The following COL21A1 variants were observed in gnomAD, a reference collection of about 807,000 sequenced individuals.
COL21A1 encodes collagen alpha-1(XXI) chain.
A neutral mutation model predicts 137.9 loss-of-function variants in COL21A1; 149 were observed. The observed-to-expected ratio is 1.08, with a 90% CI of 0.95 to 1.24. The LOEUF (loss-of-function observed/expected upper bound fraction) is 1.24. COL21A1 is among the 50% of genes most tolerant of loss of function. The pLI is 0.00. For synonymous variants in COL21A1, 456 were observed against 391.5 expected (o/e 1.16, Z -1.95); for missense variants, 1,167 against 1,158.4 (o/e 1.01, Z -0.11).
intron 1 of COL21A1, among the ~76,000 whole-genome samples, chr6:56,207,351 G>T (rs1779861571): frequency 1.3e-5 from 2 of 152,078 alleles, no homozygotes; most frequent in Non-Finnish European, 2.9e-5. Context: ...TGATATAGGG[G>T]ATATCACCAC....
rs547133492 is a variant in COL21A1, at chr6:56,077,400, C to T, written c.1857+129G>A. The T allele has an allele frequency of 1.1e-3, 726 of 646,828 alleles. 6 individuals carry two copies. The highest frequency in any genetic ancestry group is 5.6e-3 in the South Asian group (283 of 50,260). The allele number at this position is 646,828 out of a possible 1,614,324, so 40.1% of individuals were successfully genotyped here. On this transcript the variant is annotated intron_variant, in intron 18 of 29. Coordinates refer to ENST00000244728, the MANE Select transcript of COL21A1 (RefSeq NM_030820.4). ...ATACAAATTTGTAAAGCCAAAACAA[C>T]GTCTTCTAAAATTATATAATATTTG...
At chr6:56,349,448 G>A (rs184740680) in intron 1 of COL21A1, among the ~76,000 whole-genome samples, 2 of 152,186 alleles carry the variant, frequency 1.3e-5, no homozygotes, top group Admixed American at 6.5e-5. Flanking sequence ...ATAATTATCT[G>A]AAGTTGCATT....
In COL21A1 at chr6:56,069,531, C is replaced by T. The variant is rs568230695; in HGVS notation, c.2020-414G>A. Among the ~76,000 whole-genome samples, 457 of 150,418 alleles carry T rather than the reference C, an allele frequency of 3.0e-3. 4 individuals carry two copies. The highest frequency in any genetic ancestry group is 0.011 in the African/African-American group (445 of 41,358). ...TTAAAAAAAGCTTATTTTCTTGTTA[C>T]AAAATAATAGAAATAATAAAAATTA... is the stretch of plus-strand genomic sequence containing the variant. On this transcript the variant is annotated intron_variant, in intron 21 of 29. Coordinates refer to ENST00000244728, the MANE Select transcript of COL21A1 (RefSeq NM_030820.4).
chr6:56,146,901 T>C (rs1456907301), intron 10 of COL21A1, among the ~76,000 whole-genome samples: 2 of 152,092 alleles, frequency 1.3e-5, no homozygotes, highest in East Asian at 3.8e-4. Context: ...AGGTAAACAG[T>C]GGATAGATAA....
intron 1 of COL21A1, among the ~76,000 whole-genome samples, chr6:56,185,115 A>G (rs564529079): frequency 1.3e-5 from 2 of 151,860 alleles, no homozygotes; most frequent in African/African-American, 4.8e-5. Context: ...AGCATATATT[A>G]AAAAAAAGAA....
intron 9 of COL21A1, among the ~76,000 whole-genome samples, chr6:56,160,323 C>A (rs1395162194): frequency 6.6e-6 from 1 of 152,146 alleles, no homozygotes; most frequent in African/African-American, 2.4e-5. Context: ...TTATTATTCC[C>A]ATTTTCTGTG....
At chr6:56,257,763 T>C (rs1763140709) in intron 1 of COL21A1, among the ~76,000 whole-genome samples, 3 of 152,316 alleles carry the variant, frequency 2.0e-5, no homozygotes, top group African/African-American at 7.2e-5. Context: ...TTTTCAAATA[T>C]CATAAAATAT....
Position 56,107,316 on chromosome 6 carries a change from C to T in COL21A1, c.1759-5791G>A, listed in dbSNP as rs138419041. ...TTGAAACACATTAAAGGCTCAGAAA[C>T]GATAGAAGACAAATAAATTTCAATA... On this transcript the variant is annotated intron_variant, in intron 16 of 29. Transcript: ENST00000244728. Among the ~76,000 whole-genome samples the T allele has an allele frequency of 1.8e-4, 27 of 151,634 alleles. No individual in the cohort carries two copies. The East Asian group carries it at 4.1e-3, about 23-fold the overall frequency.
chr6:56,150,782 C>G (rs1037753996), intron 10 of COL21A1, among the ~76,000 whole-genome samples: 2 of 152,160 alleles, frequency 1.3e-5, no homozygotes, highest in African/African-American at 4.8e-5. Context: ...GAACCTAGGC[C>G]TCATCTGGAA....
chr6:56,229,449 A>T (rs1781410521), intron 1 of COL21A1, among the ~76,000 whole-genome samples: 1 of 152,066 alleles, frequency 6.6e-6, no homozygotes, highest in African/African-American at 2.4e-5. Context: ...GATAAAGTTA[A>T]TATCTCGAAA....
At chr6:56,065,944 G>A (rs984017889) in intron 23 of COL21A1, among the ~76,000 whole-genome samples, 1 of 151,896 alleles carries the variant, frequency 6.6e-6, no homozygotes, top group Non-Finnish European at 1.5e-5. Context: ...CCCCTGACAA[G>A]AAATAACTAG....
intron 1 of COL21A1, among the ~76,000 whole-genome samples, chr6:56,357,404 G>A (rs975019402): frequency 1.3e-5 from 2 of 152,112 alleles, no homozygotes; most frequent in East Asian, 1.9e-4. Context: ...GCACAAACTC[G>A]CTAACACTGG....
chr6:56,348,619 G>C (rs1163729101), intron 1 of COL21A1, among the ~76,000 whole-genome samples: 1 of 152,178 alleles, frequency 6.6e-6, no homozygotes, highest in Non-Finnish European at 1.5e-5. Flanking sequence ...ACGACAACTT[G>C]CTGGGAGACC....
chr6:56,250,254 C>A (rs935802538), upstream of COL21A1, among the ~76,000 whole-genome samples: 2 of 152,130 alleles, frequency 1.3e-5, no homozygotes, highest in Non-Finnish European at 2.9e-5. Flanking sequence ...TGGCATTTTG[C>A]AGATATAACC....
chr6:56,256,126 A>G (rs190702707), intron 1 of COL21A1, among the ~76,000 whole-genome samples: 1 of 152,356 alleles, frequency 6.6e-6, no homozygotes. Context: ...TGCTGAACAA[A>G]GAAATAAGGT....
chr6:56,097,948 A>T (rs1227153248), intron 17 of COL21A1, among the ~76,000 whole-genome samples: 2,703 of 71,586 alleles, frequency 0.038, 672 homozygotes, highest in East Asian at 0.16. Flanking sequence ...AATATATATA[A>T]ATATAAAAAT....
intron 1 of COL21A1, among the ~76,000 whole-genome samples, chr6:56,322,488 A>G (rs1764892564): frequency 1.3e-5 from 2 of 152,168 alleles, no homozygotes. Flanking sequence ...ACAGATTTTT[A>G]TGCTACAGGA....
intron 1 of COL21A1, among the ~76,000 whole-genome samples, chr6:56,323,413 C>T (rs1014123688): frequency 7.9e-5 from 12 of 151,950 alleles, no homozygotes; most frequent in African/African-American, 2.9e-4. Flanking sequence ...GTTTTGAGAC[C>T]AAGTCTCGCT....
intron 12 of COL21A1, among the ~76,000 whole-genome samples, chr6:56,128,377 G>A (rs1309805657): frequency 2.0e-5 from 3 of 152,056 alleles, no homozygotes; most frequent in Admixed American, 1.3e-4. Flanking sequence ...GATCTTTAAC[G>A]TTCCTGTGAT....
Sources: gnomAD v4.1 joint callset for allele counts (sites outside exome capture counted in the v4.1 genomes callset) on GRCh38, gnomAD v4.1.1 for gene constraint, MANE v1.5 for transcripts, NCBI Gene and HGNC (gene_info 2026-07-23, HGNC 2026-07-21) for gene names.